The following TMCC1 variants were observed in gnomAD, a reference collection of about 807,000 sequenced individuals.
TMCC1 encodes the protein transmembrane and coiled-coil domain family 1.
In TMCC1, 15 loss-of-function variants were observed where a neutral mutation model predicts 52.4. The ratio of observed to expected loss-of-function variants is 0.29; its 90% CI spans 0.19 to 0.44. The LOEUF is 0.44. TMCC1 is among the 20% of genes least tolerant of loss of function. The pLI, the probability that TMCC1 is intolerant of heterozygous loss-of-function variation, is 1.00. For missense variants in TMCC1, 503 were observed against 806.0 expected (o/e 0.62, Z 4.55); for synonymous variants, 279 against 301.9 (o/e 0.92, Z 0.79).
chr3:129,656,876 C>T (rs2086701040), intron 5 of TMCC1: 1 of 152,160 alleles, frequency 6.6e-6, no homozygotes, highest in Non-Finnish European at 1.5e-5. Context: ...AGGAACAGGT[C>T]CCATCCCTAG....
chr3:129,759,033 C>T (rs950454161), intron 4 of TMCC1, among the ~76,000 whole-genome samples: 8 of 152,144 alleles, frequency 5.3e-5, no homozygotes, highest in Non-Finnish European at 8.8e-5. Context: ...ATTGTATGTA[C>T]GGACCACATT....
chr3:129,883,553 G>A (rs1345173728), intron 1 of TMCC1, among the ~76,000 whole-genome samples: 1 of 152,180 alleles, frequency 6.6e-6, no homozygotes, highest in Non-Finnish European at 1.5e-5. Context: ...GGTCAAGGCT[G>A]CAGTAATTCA....
intron 2 of TMCC1, among the ~76,000 whole-genome samples, chr3:129,840,617 G>T (rs140466283): frequency 6.6e-6 from 1 of 152,140 alleles, no homozygotes; most frequent in Admixed American, 6.5e-5. Context: ...GGTGGGAGGC[G>T]ACTGGATCAC....
At chr3:129,750,797 G>C (rs1396009533) in intron 4 of TMCC1, among the ~76,000 whole-genome samples, 1 of 149,178 alleles carries the variant, frequency 6.7e-6, no homozygotes, top group African/African-American at 2.4e-5. Flanking sequence ...GGCTGGTCTC[G>C]ATCTCCTGAC....
At chr3:129,829,128 T>C (rs1205251306) in intron 3 of TMCC1, among the ~76,000 whole-genome samples, 1 of 152,232 alleles carries the variant, frequency 6.6e-6, no homozygotes, top group Admixed American at 6.5e-5. Flanking sequence ...TTGAATTCTC[T>C]GCTGAAGCAC....
intron 2 of TMCC1, among the ~76,000 whole-genome samples, chr3:129,871,365 C>CA (rs908333351): frequency 0.047 from 2,292 of 49,110 alleles, 48 homozygotes; most frequent in African/African-American, 0.095. Flanking sequence ...GACGCTGTCT[C>CA]AAAAAAAAAA....
chr3:129,760,401 A>AGTGT (rs200322394), intron 4 of TMCC1, among the ~76,000 whole-genome samples: 6,408 of 137,932 alleles, frequency 0.046, 550 homozygotes, highest in African/African-American at 0.16. Flanking sequence ...ACGCCAGGCT[A>AGTGT]GTGTGTGTGT....
Position 129,769,138 on chromosome 3 carries a change from G to A in TMCC1, c.576+58665C>T, listed in dbSNP as rs543480426. Among the ~76,000 whole-genome samples the A allele has an allele frequency of 7.2e-5, 11 of 152,364 alleles. No homozygotes were observed. The South Asian group carries it at 2.3e-3, about 32-fold the overall frequency. On this transcript the variant is annotated intron_variant, in intron 4 of 6. Coordinates refer to ENST00000393238, the MANE Select transcript of TMCC1 (RefSeq NM_001017395.5). ...TGCCAAATCTGATCATCTAAAGCAA[G>A]CTTGTCCAACCCATTGCCAGCGGGC...
In TMCC1 at chr3:129,759,709, A is replaced by ATTTTTTTTTTTTTTTTTTT. The variant is rs1560350161; in HGVS notation, c.576+68093_576+68094insAAAAAAAAAAAAAAAAAAA. Among the ~76,000 whole-genome samples the ATTTTTTTTTTTTTTTTTTT allele has an allele frequency of 8.1e-5, 8 of 98,370 alleles. 1 individual carries two copies. The highest frequency in any genetic ancestry group is 3.2e-4 in the African/African-American group (8 of 25,368). 64.5% of individuals were successfully genotyped at this position (98,370 alleles called of 152,430 possible). A position where few individuals can be genotyped will look rare whatever the true frequency, so the allele number is the denominator to read the frequency against. ...GGCATGAGCCACTGCAGCCAGCCAA[A>ATTTTTTTTTTTTTTTTTTT]CTTTTTTTTTTTTTTTTTTTTTTTT... On this transcript the variant is annotated intron_variant, in intron 4 of 6. Coordinates refer to ENST00000393238, the MANE Select transcript of TMCC1 (RefSeq NM_001017395.5).
At chr3:129,693,901 G>T (rs185991130) in intron 4 of TMCC1, among the ~76,000 whole-genome samples, 271 of 152,142 alleles carry the variant, frequency 1.8e-3, no homozygotes, top group Non-Finnish European at 2.4e-3. Context: ...AGATATAATT[G>T]GATTTTGTAA....
At chr3:129,854,771 G>A (rs2060077904) in intron 2 of TMCC1, among the ~76,000 whole-genome samples, 1 of 152,032 alleles carries the variant, frequency 6.6e-6, no homozygotes, top group Admixed American at 6.6e-5. Context: ...TCTCTAATCT[G>A]GTCAAATCTC....
At chr3:129,810,403 G>A (rs1387615007) in intron 4 of TMCC1, among the ~76,000 whole-genome samples, 1 of 152,136 alleles carries the variant, frequency 6.6e-6, no homozygotes, top group Non-Finnish European at 1.5e-5. Context: ...TCACATACTA[G>A]TACGCAGAAC....
At chr3:129,702,382 A>C (rs1401346142) in intron 4 of TMCC1, among the ~76,000 whole-genome samples, 1 of 152,114 alleles carries the variant, frequency 6.6e-6, no homozygotes, top group Non-Finnish European at 1.5e-5. Context: ...GTGAGGCCAT[A>C]CCTTCAATCT....
chr3:129,877,606 T>C (rs1357746024), intron 2 of TMCC1, among the ~76,000 whole-genome samples: 1 of 151,760 alleles, frequency 6.6e-6, no homozygotes, highest in Non-Finnish European at 1.5e-5. Flanking sequence ...CCCAACTGTT[T>C]ACTCAACATC....
rs192875096 is a variant in TMCC1 at position 129,664,060 on chromosome 3, C to T, written c.1511+6270G>A. 3.2e-4 allele frequency among the ~76,000 whole-genome samples: 48 copies of T among 152,252 alleles called. 1 individual carries two copies. The highest frequency in any genetic ancestry group is 6.8e-3 in the Middle Eastern group (2 of 294). ...CCTCCATTCCTCTTTAGCGGCTAAA[C>T]GCTAAACTGGGATGAGCTCACCCAT... On this transcript the variant is annotated intron_variant, in intron 5 of 6. Coordinates refer to ENST00000393238, the MANE Select transcript of TMCC1 (RefSeq NM_001017395.5).
At chr3:129,748,591 T>C (rs1174147944) in intron 4 of TMCC1, among the ~76,000 whole-genome samples, 1 of 151,998 alleles carries the variant, frequency 6.6e-6, no homozygotes. Context: ...CTTGGCCTTG[T>C]TGTTTTTTAA....
intron 5 of TMCC1, among the ~76,000 whole-genome samples, chr3:129,668,198 TAA>T (rs1407621260): frequency 1.3e-5 from 2 of 152,092 alleles, no homozygotes; most frequent in African/African-American, 4.8e-5. Flanking sequence ...AAAACCAATG[TAA>T]AACAAAAAAT....
intron 2 of TMCC1, among the ~76,000 whole-genome samples, chr3:129,862,184 T>C (rs2060425856): frequency 6.6e-6 from 1 of 152,146 alleles, no homozygotes; most frequent in African/African-American, 2.4e-5. Flanking sequence ...GAACATAGAT[T>C]AGAAGTTATA....
At chr3:129,854,654 C>T (rs2060071923) in intron 2 of TMCC1, among the ~76,000 whole-genome samples, 1 of 152,126 alleles carries the variant, frequency 6.6e-6, no homozygotes, top group South Asian at 2.1e-4. Flanking sequence ...TCTGCACTTG[C>T]TATTTCTTCT....
Sources: allele counts gnomAD v4.1 joint callset (sites outside exome capture counted in the v4.1 genomes callset), GRCh38; gene constraint gnomAD v4.1.1; transcripts MANE v1.5; gene names NCBI Gene and HGNC (gene_info 2026-07-23, HGNC 2026-07-21).